The following GRHL2 variants were observed in gnomAD, a reference collection of about 807,000 sequenced individuals.
GRHL2 encodes grainyhead like transcription factor 2.
GRHL2 carries 21 observed loss-of-function variants against 83.8 expected under a neutral mutation model. That is an observed-to-expected ratio of 0.25 (90% confidence interval 0.18 to 0.36). The LOEUF (loss-of-function observed/expected upper bound fraction) is 0.36. GRHL2 is among the 10% of genes least tolerant of loss of function. The probability of loss-of-function intolerance (pLI) is 1.00; values close to 1 mark genes in which losing one functional copy is unlikely to be tolerated. For synonymous variants in GRHL2, 280 were observed against 278.9 expected, an observed-to-expected ratio of 1.00 and a Z score of -0.04; for missense variants, 623 against 781.8, an observed-to-expected ratio of 0.80 and a Z score of 2.42.
At chr8:101,658,336 G>A (rs763820315) in intron 14 of GRHL2, among the ~76,000 whole-genome samples, 7 of 152,208 alleles carry the variant, frequency 4.6e-5, no homozygotes, top group Non-Finnish European at 1.0e-4. Flanking sequence ...CTGCCAGGTT[G>A]TTCCCTTTCA....
At chr8:101,603,008 A>G (rs4734548) in intron 8 of GRHL2, among the ~76,000 whole-genome samples, 77,039 of 151,680 alleles carry the variant, frequency 0.51, 21,408 homozygotes, top group African/African-American at 0.74. Flanking sequence ...CACTGTTGAA[A>G]ACAGAATGTG....
chr8:101,570,260 G>A (rs1554587552), intron 4 of GRHL2, 79 bp from the exon 5 acceptor site: 7 of 1,097,056 alleles, frequency 6.4e-6, no homozygotes, highest in Non-Finnish European at 9.9e-6. Context: ...GAATAAAATA[G>A]TTTGGATACA....
chr8:101,523,733 C>G (rs1810744265), intron 1 of GRHL2, among the ~76,000 whole-genome samples: 1 of 152,080 alleles, frequency 6.6e-6, no homozygotes, highest in Admixed American at 6.6e-5. Flanking sequence ...CCCACCTCAG[C>G]CTCTCAAAAT....
intron 8 of GRHL2, among the ~76,000 whole-genome samples, chr8:101,602,073 G>A (rs1032412657): frequency 5.9e-5 from 9 of 152,176 alleles, no homozygotes; most frequent in African/African-American, 1.9e-4. Flanking sequence ...GAGAACATGA[G>A]GTGTTTGGTT....
chr8:101,647,404 T>C (rs1425830524), intron 13 of GRHL2, among the ~76,000 whole-genome samples: 1 of 151,516 alleles, frequency 6.6e-6, no homozygotes, highest in East Asian at 2.0e-4. Flanking sequence ...TGCTGGAAAT[T>C]CCTTTTTTTT....
chr8:101,577,003 CT>C (rs1811946037), intron 6 of GRHL2, among the ~76,000 whole-genome samples: 1 of 152,066 alleles, frequency 6.6e-6, no homozygotes, highest in South Asian at 2.1e-4. Flanking sequence ...ATGTTTGCTT[CT>C]TTACAAATGG....
At chr8:101,567,479 G>C (rs1190843694) in intron 4 of GRHL2, among the ~76,000 whole-genome samples, 1 of 152,116 alleles carries the variant, frequency 6.6e-6, no homozygotes, top group Non-Finnish European at 1.5e-5. Context: ...ATGTAATCAG[G>C]TCTCATCTAA....
At chr8:101,558,365 G>A in intron 3 of GRHL2, 54 bp from the exon 4 acceptor site, 1 of 1,602,676 alleles carries the variant, frequency 6.2e-7, no homozygotes, top group Non-Finnish European at 8.5e-7. Context: ...ATTAGGCGTT[G>A]CCGAATGGTG....
intron 8 of GRHL2, among the ~76,000 whole-genome samples, chr8:101,601,235 A>G (rs1373675750): frequency 6.6e-6 from 1 of 152,038 alleles, no homozygotes; most frequent in Non-Finnish European, 1.5e-5. Flanking sequence ...CAACAAAACA[A>G]ATGTTAAGGC....
chr8:101,527,753 G>A (rs1285758148), intron 1 of GRHL2, among the ~76,000 whole-genome samples: 4 of 152,132 alleles, frequency 2.6e-5, no homozygotes, highest in East Asian at 1.9e-4. Context: ...GAGTGGAATC[G>A]TTTTTGAATC....
chr8:101,656,813 A>G (rs1230494294), intron 14 of GRHL2, among the ~76,000 whole-genome samples: 1 of 151,812 alleles, frequency 6.6e-6, no homozygotes, highest in African/African-American at 2.4e-5. Context: ...ATTAATATAT[A>G]CTGGGTGTGT....
chr8:101,524,522 T>C (rs561166788), intron 1 of GRHL2, among the ~76,000 whole-genome samples: 3 of 152,314 alleles, frequency 2.0e-5, no homozygotes, highest in East Asian at 1.9e-4. Context: ...CCACAACATA[T>C]AGTATTTTAT....
Position 101,667,210 on chromosome 8 carries a change from G to C in GRHL2, c.*507G>C, listed in dbSNP as rs1053113238. The C allele has an allele frequency of 1.5e-5, 3 of 203,588 alleles. No individual in the cohort carries two copies. Among genetic ancestry groups the C allele is most frequent in the East Asian group, 1.1e-4 (1 of 9,208 alleles). 12.6% of individuals were successfully genotyped at this position (203,588 alleles called of 1,614,324 possible). A position where few individuals can be genotyped will look rare whatever the true frequency, so the allele number is the denominator to read the frequency against. On this transcript the variant is annotated 3_prime_UTR_variant, in exon 16 of 16. Transcript: ENST00000646743. Reference sequence around the variant, plus strand: ...CCACTTTCTGGTCAGACACCTTTAGGTTGCTCTGGGGAAGGCTGTCTTGCT... The same window carrying C: ...CCACTTTCTGGTCAGACACCTTTAGCTTGCTCTGGGGAAGGCTGTCTTGCT...
intron 7 of GRHL2, among the ~76,000 whole-genome samples, chr8:101,578,009 G>A (rs1811968064): frequency 6.6e-6 from 1 of 152,176 alleles, no homozygotes; most frequent in Non-Finnish European, 1.5e-5. Context: ...GGTCACGCAA[G>A]TGAACCATTT....
chr8:101,607,492 T>G (rs942888763), intron 8 of GRHL2, among the ~76,000 whole-genome samples: 5 of 152,188 alleles, frequency 3.3e-5, no homozygotes, highest in Admixed American at 6.5e-5. Flanking sequence ...TAGGATGATA[T>G]GGGGTTGATA....
At position 101,492,556 on chromosome 8, in the gene GRHL2, G is replaced by A. The variant is rs1809983749; in HGVS notation, c.-214G>A. ...CCTCCGAGCTCGGGCCCCATGTGAG[G>A]GGCCCCCCCTTATCCCACCTTTCCG... On this transcript the variant is annotated 5_prime_UTR_variant, in exon 1 of 16. Transcript: ENST00000646743. The A allele has an allele frequency of 4.6e-6, 3 of 649,636 alleles. No individual in the cohort carries two copies. The highest frequency in any genetic ancestry group is 4.1e-4 in the Middle Eastern group (1 of 2,468). The allele number at this position is 649,636 out of a possible 1,614,324, so 40.2% of individuals were successfully genotyped here. A position where few individuals can be genotyped will look rare whatever the true frequency, so the allele number is the denominator to read the frequency against.
intron 1 of GRHL2, among the ~76,000 whole-genome samples, chr8:101,516,080 G>A (rs1810566759): frequency 1.3e-5 from 2 of 152,022 alleles, no homozygotes; most frequent in Admixed American, 6.6e-5. Context: ...ATGCTTCACT[G>A]CCTGTTTCCT....
At chr8:101,661,532 C>T (rs191953230) in intron 14 of GRHL2, among the ~76,000 whole-genome samples, 32 of 152,272 alleles carry the variant, frequency 2.1e-4, no homozygotes, top group South Asian at 8.3e-4. Context: ...ACTTATAATA[C>T]GTAATACATT....
chr8:101,550,290 G>A (rs1276208522), intron 2 of GRHL2, among the ~76,000 whole-genome samples: 1 of 151,996 alleles, frequency 6.6e-6, no homozygotes. Context: ...GGATACGACT[G>A]TGCCCAGCAC....
Sources: gnomAD v4.1 joint callset for allele counts (sites outside exome capture counted in the v4.1 genomes callset) on GRCh38, gnomAD v4.1.1 for gene constraint, MANE v1.5 for transcripts, NCBI Gene and HGNC (gene_info 2026-07-23, HGNC 2026-07-21) for gene names.